The following SLC28A1 variants were observed in gnomAD, a reference collection of about 807,000 sequenced individuals.
SLC28A1 encodes the protein solute carrier family 28 member 1.
In SLC28A1, 64 loss-of-function variants were observed where a neutral mutation model predicts 74.8. That is an observed-to-expected ratio of 0.86 (90% confidence interval 0.70 to 1.05). The LOEUF (loss-of-function observed/expected upper bound fraction) is 1.05. SLC28A1 is among the 50% of genes least tolerant of loss of function. SLC28A1 has a pLI of 0.00. For missense variants in SLC28A1, 828 were observed against 822.8 expected (o/e 1.01, Z -0.08); for synonymous variants, 359 against 335.0 (o/e 1.07, Z -0.78).
intron 12 of SLC28A1, among the ~76,000 whole-genome samples, chr15:84,930,324 A>G (rs916480961): frequency 6.6e-6 from 1 of 152,230 alleles, no homozygotes; most frequent in South Asian, 2.1e-4. Flanking sequence ...CAGAAAGTCC[A>G]GAGAGGACAC....
the SLC28A1 span, among the ~76,000 whole-genome samples, chr15:84,953,753 T>A: frequency 6.6e-6 from 1 of 152,096 alleles, no homozygotes; most frequent in African/African-American, 2.4e-5. Flanking sequence ...AAAAATATAA[T>A]AGTGAAAGTA....
intron 6 of SLC28A1, 97 bp from the exon 7 acceptor site, chr15:84,904,000 C>T: frequency 7.8e-6 from 12 of 1,537,100 alleles, no homozygotes; most frequent in East Asian, 2.3e-5. Flanking sequence ...TCCTCCCAGC[C>T]CTGAGCACCC....
At chr15:84,975,394 C>A in the SLC28A1 span, 1 of 429,566 alleles carries the variant, frequency 2.3e-6, no homozygotes, top group Non-Finnish European at 4.8e-6. Flanking sequence ...TGTCTTATTG[C>A]ACTTCTCAGA....
At chr15:84,973,051 C>T in the SLC28A1 span, among the ~76,000 whole-genome samples, 1 of 137,988 alleles carries the variant, frequency 7.2e-6, no homozygotes, top group Non-Finnish European at 1.5e-5. Context: ...TCATGGCTGA[C>T]AAGGCCCTGC....
chr15:84,937,056 A>T (rs1972023848), intron 15 of SLC28A1, among the ~76,000 whole-genome samples: 1 of 2,220 alleles, frequency 4.5e-4, no homozygotes, highest in Non-Finnish European at 7.5e-4. Context: ...CTGTCTTTAA[A>T]AAAAAAAAAA....
At chr15:84,925,876 G>A (rs1038405198) in intron 12 of SLC28A1, among the ~76,000 whole-genome samples, 6 of 151,806 alleles carry the variant, frequency 4.0e-5, no homozygotes, top group Admixed American at 1.3e-4. Context: ...GAATTAAGAC[G>A]ATAATAACTT....
chr15:84,945,020 G>T, intron 18 of SLC28A1, 105 bp from the exon 19 acceptor site: 1 of 1,165,856 alleles, frequency 8.6e-7, no homozygotes, highest in Non-Finnish European at 1.3e-6. Flanking sequence ...AATGGAGGAA[G>T]GGTGGACCAG....
rs769750311 is a variant in SLC28A1 at position 84,894,936 on chromosome 15, C to T, written c.278-4C>T. ...GTTGACCCCTCCTCTGTCTCATCCC[C>T]CAGGGCTCTCTGCCTTCCTGCTGGT... On this transcript the variant is annotated splice_polypyrimidine_tract_variant and splice_region_variant and intron_variant, in intron 5 of 18. Transcript: ENST00000394573. The T allele has an allele frequency of 6.2e-7, 1 of 1,613,974 alleles. No homozygotes were observed. The highest frequency in any genetic ancestry group is 8.5e-7 in the Non-Finnish European group (1 of 1,180,018).
the SLC28A1 span, among the ~76,000 whole-genome samples, chr15:84,967,227 T>C: frequency 6.6e-5 from 10 of 152,162 alleles, no homozygotes; most frequent in African/African-American, 2.2e-4. Context: ...CTTGTGCACA[T>C]TGGGGAGCAG....
intron 15 of SLC28A1, chr15:84,938,636 G>A (rs530811877): frequency 6.6e-6 from 1 of 152,200 alleles, no homozygotes; most frequent in South Asian, 2.1e-4. Context: ...ACACAGACAT[G>A]GCTCTGGTCT....
intron 12 of SLC28A1, among the ~76,000 whole-genome samples, chr15:84,930,041 G>A (rs1292867630): frequency 6.6e-6 from 1 of 152,234 alleles, no homozygotes; most frequent in Non-Finnish European, 1.5e-5. Flanking sequence ...GCAGGACTCA[G>A]CCCTTTCCAT....
intron 10 of SLC28A1, 75 bp downstream of exon 10, chr15:84,918,679 C>T (rs1393599504): frequency 8.5e-7 from 1 of 1,173,340 alleles, no homozygotes; most frequent in African/African-American, 1.5e-5. Flanking sequence ...CCCAGAATGC[C>T]TTGCTCCCAG....
the SLC28A1 span, chr15:84,975,517 T>C: frequency 2.2e-6 from 1 of 456,310 alleles, no homozygotes; most frequent in Non-Finnish European, 4.4e-6. Context: ...TATTCAAAAG[T>C]ACACCTGCCG....
At chr15:84,926,244 G>A (rs1970498053) in intron 12 of SLC28A1, among the ~76,000 whole-genome samples, 1 of 151,864 alleles carries the variant, frequency 6.6e-6, no homozygotes. Flanking sequence ...TGTTACTCAA[G>A]CTGGAGCACA....
At chr15:84,888,152 G>A (rs1352734852) in intron 3 of SLC28A1, among the ~76,000 whole-genome samples, 2 of 152,156 alleles carry the variant, frequency 1.3e-5, no homozygotes, top group Non-Finnish European at 2.9e-5. Context: ...TGACATTAGA[G>A]CTGTGACCTA....
In SLC28A1 at chr15:84,941,936, A is replaced by G. The variant is rs1162432711; in HGVS notation, c.1582-1509A>G. 4.6e-5 allele frequency among the ~76,000 whole-genome samples: 7 copies of G among 152,212 alleles called. No individual in the cohort carries two copies. In the East Asian group the frequency reaches 1.3e-3, roughly 29 times the overall value. Reference sequence around the variant, plus strand: ...ACTGAGTTCAAATTCTGATACAGCTACCTTCTTGCTGTGTGAACTTCCTTA... The same window carrying G: ...ACTGAGTTCAAATTCTGATACAGCTGCCTTCTTGCTGTGTGAACTTCCTTA... On this transcript the variant is annotated intron_variant, in intron 15 of 18. Transcript: ENST00000394573.
chr15:84,959,392 A>G, the SLC28A1 span, among the ~76,000 whole-genome samples: 2,003 of 152,128 alleles, frequency 0.013, 40 homozygotes, highest in African/African-American at 0.037. Context: ...GGCATGAGCC[A>G]CCATGACCAG....
At chr15:84,920,703 G>GGT (rs61457641) in intron 10 of SLC28A1, among the ~76,000 whole-genome samples, 22,280 of 137,314 alleles carry the variant, frequency 0.16, 1,770 homozygotes, top group African/African-American at 0.22. Context: ...ATCTCCAAGG[G>GGT]GTGTGTGTGT....
rs1280548177 is a variant in SLC28A1 at position 84,920,985 on chromosome 15, C to T, written c.877-4C>T. ...CCCACAAAGAACATTCTGCTTCCTT[C>T]TAGATTGCCTGGCTGATGCAAGTCA... is the stretch of plus-strand genomic sequence containing the variant. On this transcript the variant is annotated splice_polypyrimidine_tract_variant and splice_region_variant and intron_variant, in intron 10 of 18. Coordinates refer to ENST00000394573, the MANE Select transcript of SLC28A1 (RefSeq NM_004213.5). 2 of 1,612,632 alleles carry T rather than the reference C, an allele frequency of 1.2e-6. No individual in the cohort carries two copies. The highest frequency in any genetic ancestry group is 1.6e-4 in the Middle Eastern group (1 of 6,084).
Sources: allele counts gnomAD v4.1 joint callset (sites outside exome capture counted in the v4.1 genomes callset), GRCh38; gene constraint gnomAD v4.1.1; transcripts MANE v1.5; gene names NCBI Gene and HGNC (gene_info 2026-07-23, HGNC 2026-07-21).